Variants in ZNF280D observed in about 807,000 individuals in gnomAD.
ZNF280D encodes the protein zinc finger protein 280D, also known as suppressor of hairy wing homolog 4.
Under a neutral mutation model 94.7 loss-of-function variants are expected in ZNF280D, and 39 were observed. That is an observed-to-expected ratio of 0.41 (90% CI 0.32 to 0.54). The LOEUF (loss-of-function observed/expected upper bound fraction) is 0.54. ZNF280D is among the 20% of genes least tolerant of loss of function. ZNF280D has a pLI of 0.22. For missense variants in ZNF280D, 1,090 were observed against 1,149.3 expected, an observed-to-expected ratio of 0.95 and a Z score of 0.75; for synonymous variants, 398 against 377.6, an observed-to-expected ratio of 1.05 and a Z score of -0.63.
chr15:56,663,121 C>CAA (rs138416677), intron 16 of ZNF280D, among the ~76,000 whole-genome samples: 3 of 138,528 alleles, frequency 2.2e-5, no homozygotes, highest in African/African-American at 7.9e-5. Flanking sequence ...CCCATCCCTA[C>CAA]AAAAAAAAAA....
intron 17 of ZNF280D, among the ~76,000 whole-genome samples, chr15:56,656,235 C>T (rs949449594): frequency 1.3e-5 from 2 of 152,026 alleles, no homozygotes; most frequent in African/African-American, 2.4e-5. Flanking sequence ...AAGACAGATA[C>T]GTAATAAATA....
In ZNF280D at chr15:56,668,932, T is replaced by G; in HGVS notation, c.1436A>C (p.Lys479Thr). The change falls in exon 14 of 22, where the codon AAA becomes ACA. Residue 479 changes from lysine to threonine, a missense_variant. Transcript: ENST00000267807. ...HQKKGIHRCTKCRLQFLTCKE... is the reference protein window; with the variant it reads ...HQKKGIHRCTTCRLQFLTCKE... The stretch of plus-strand genomic sequence containing the variant: ...GCATGTCAAAAACTGCAGCCTGCAT[T>G]TTGTACAACGATGTATTCCTTTTTT... 6.2e-7 allele frequency: 1 copy of G among 1,611,600 alleles called. No homozygotes were observed. The highest frequency in any genetic ancestry group is 8.5e-7 in the Non-Finnish European group (1 of 1,178,888).
At chr15:56,657,414 T>A (rs1264039352) in intron 17 of ZNF280D, among the ~76,000 whole-genome samples, 1 of 152,160 alleles carries the variant, frequency 6.6e-6, no homozygotes, top group East Asian at 1.9e-4. Flanking sequence ...AAGAGATAGC[T>A]TAGCTATCTT....
intron 1 of ZNF280D, among the ~76,000 whole-genome samples, chr15:56,731,305 C>G (rs2058871952): frequency 6.6e-6 from 1 of 151,804 alleles, no homozygotes; most frequent in South Asian, 2.1e-4. Context: ...GAGTTTGACA[C>G]CAGCCTAGGT....
intron 1 of ZNF280D, among the ~76,000 whole-genome samples, chr15:56,708,523 T>G (rs539381590): frequency 1.3e-5 from 2 of 152,308 alleles, no homozygotes; most frequent in East Asian, 3.9e-4. Flanking sequence ...CATAATGTTT[T>G]TAAGTTATCA....
rs1193213451 is a variant in ZNF280D, at chr15:56,631,607, G to A, written c.2831C>T (p.Ala944Val). The A allele has an allele frequency of 6.2e-7, 1 of 1,613,954 alleles. No homozygotes were observed. The highest frequency in any genetic ancestry group is 2.2e-5 in the East Asian group (1 of 44,884). Residue 944 changes from alanine to valine, a missense_variant, in exon 22 of 22, where the codon GCC becomes GTC. Around this residue, in one of 3 missense-constraint regions of ZNF280D, gnomAD observed 577 missense variants for 568.8 expected, o/e 1.01. Coordinates refer to ENST00000267807, the MANE Select transcript of ZNF280D (RefSeq NM_017661.4). ...ILQKGSGDPS[A>V]KTDEVVSDQT... ...ATCAGACACTACTTCATCAGTCTTG[G>A]CTGAAGGATCACCACTACCTTTCTG...
chr15:56,703,594 CT>C (rs2057216630), intron 4 of ZNF280D, among the ~76,000 whole-genome samples: 1 of 152,154 alleles, frequency 6.6e-6, no homozygotes, highest in East Asian at 1.9e-4. Context: ...TGACTCACAC[CT>C]GTAATTTTAG....
At chr15:56,688,507 A>G (rs2056205718) in intron 9 of ZNF280D, among the ~76,000 whole-genome samples, 1 of 151,778 alleles carries the variant, frequency 6.6e-6, no homozygotes, top group Non-Finnish European at 1.5e-5. Context: ...AAAAAAAAAA[A>G]AAAGCTCAAA....
intron 21 of ZNF280D, 73 bp from the exon 22 acceptor site, chr15:56,632,195 T>C (rs2052110685): frequency 7.6e-7 from 1 of 1,318,246 alleles, no homozygotes. Context: ...AATAAAGACG[T>C]GTTCTAAAAA....
At chr15:56,704,514 T>C (rs2057281878) in intron 3 of ZNF280D, among the ~76,000 whole-genome samples, 1 of 152,116 alleles carries the variant, frequency 6.6e-6, no homozygotes, top group African/African-American at 2.4e-5. Flanking sequence ...GACAGAAAAT[T>C]TGGAAGTCAA....
intron 9 of ZNF280D, among the ~76,000 whole-genome samples, chr15:56,687,336 AC>A (rs2056095957): frequency 6.6e-6 from 1 of 152,160 alleles, no homozygotes; most frequent in Non-Finnish European, 1.5e-5. Context: ...GTAAGTAATT[AC>A]AAACCATGAA....
chr15:56,651,164 A>G (rs2053181985), intron 19 of ZNF280D, among the ~76,000 whole-genome samples: 1 of 152,238 alleles, frequency 6.6e-6, no homozygotes, highest in South Asian at 2.1e-4. Flanking sequence ...CATGATGCCC[A>G]AAGAGGCAAA....
chr15:56,654,077 A>G, intron 19 of ZNF280D, 121 bp downstream of exon 19: 1 of 1,505,264 alleles, frequency 6.6e-7, no homozygotes, highest in Middle Eastern at 2.3e-4. Flanking sequence ...CAGCTTTAAA[A>G]AAAAAACAAA....
intron 1 of ZNF280D, among the ~76,000 whole-genome samples, chr15:56,712,208 A>G (rs2057795483): frequency 6.6e-6 from 1 of 152,210 alleles, no homozygotes; most frequent in South Asian, 2.1e-4. Flanking sequence ...ACACCAAAAA[A>G]AATTTTAACC....
rs1440614872 is a variant in ZNF280D at position 56,669,872 on chromosome 15, T to TATATATATATATA, written c.1411-916_1411-915insTATATATATATAT. Reference sequence around the variant, plus strand: ...CTCATTATTTTATATATATATATATTTTATATATATATATATTATATATAT... The same window carrying TATATATATATATA: ...CTCATTATTTTATATATATATATATTATATATATATATATTATATATATATATATTATATATAT... On this transcript the variant is annotated intron_variant, in intron 13 of 21. Transcript: ENST00000267807. Among the ~76,000 whole-genome samples the TATATATATATATA allele has an allele frequency of 8.7e-4, 5 of 5,778 alleles. 1 individual carries two copies. Among genetic ancestry groups the TATATATATATATA allele is most frequent in the Admixed American group, 4.0e-3 (1 of 252 alleles). 3.8% of individuals were successfully genotyped at this position (5,778 alleles called of 152,430 possible). A position where few individuals can be genotyped will look rare whatever the true frequency, so the allele number is the denominator to read the frequency against.
intron 19 of ZNF280D, among the ~76,000 whole-genome samples, chr15:56,643,326 G>T (rs1204936033): frequency 6.6e-6 from 1 of 151,588 alleles, no homozygotes; most frequent in South Asian, 2.1e-4. Context: ...TTCAAAACAA[G>T]AATTACTCTT....
chr15:56,702,045 C>T (rs1259100553), intron 4 of ZNF280D, among the ~76,000 whole-genome samples: 1 of 141,440 alleles, frequency 7.1e-6, no homozygotes, highest in Admixed American at 7.0e-5. Flanking sequence ...AAAAAACCAC[C>T]CACCAAATCT....
At chr15:56,635,874 T>C (rs983159634) in intron 20 of ZNF280D, 6 of 152,206 alleles carry the variant, frequency 3.9e-5, no homozygotes, top group Non-Finnish European at 7.3e-5. Flanking sequence ...CATGAAGCAG[T>C]ATATTAAGAA....
intron 9 of ZNF280D, 49 bp downstream of exon 9, chr15:56,688,992 T>C (rs1329199519): frequency 7.8e-7 from 1 of 1,278,150 alleles, no homozygotes; most frequent in East Asian, 2.4e-5. Flanking sequence ...CATCAGTATT[T>C]TTAGAAATGT....
Sources: allele counts gnomAD v4.1 joint callset (sites outside exome capture counted in the v4.1 genomes callset), GRCh38; gene constraint gnomAD v4.1.1; regional missense constraint gnomAD v4.1.1; transcripts MANE v1.5; gene names NCBI Gene and HGNC (gene_info 2026-07-23, HGNC 2026-07-21).